ATL3: variants seen among roughly 807,000 people sequenced by gnomAD.
ATL3 encodes the protein atlastin-3.
Under a neutral mutation model 69.5 loss-of-function variants are expected in ATL3, and 49 were observed. That is an observed-to-expected ratio of 0.71 (90% CI 0.56 to 0.89). The LOEUF is 0.89. Ranked by LOEUF, ATL3 falls within the 40% of genes least tolerant of loss-of-function variation. ATL3 has a pLI of 0.00. For missense variants in ATL3, 606 were observed against 645.7 expected, an observed-to-expected ratio of 0.94 and a Z score of 0.67; for synonymous variants, 214 against 224.1, an observed-to-expected ratio of 0.95 and a Z score of 0.40.
intron 4 of ATL3, 26 bp downstream of exon 4, chr11:63,652,445 T>C: frequency 7.0e-7 from 1 of 1,422,762 alleles, no homozygotes. Flanking sequence ...CTTTGCGAGC[T>C]TTTTTCTGAG....
chr11:63,631,579 T>C (rs1309397411), intron 11 of ATL3, 108 bp from the exon 12 acceptor site: 4 of 1,003,014 alleles, frequency 4.0e-6, no homozygotes, highest in Admixed American at 2.9e-5. Flanking sequence ...ATGTTAACAA[T>C]GTATTAATAA....
rs553388206 is a variant in ATL3, at chr11:63,624,511, A to C, written c.*4808T>G. ...GTTTCTGATATGGGGTACTTAGGTC[A>C]CTAATGACAGGAATTAGGATCTTGT... is the stretch of plus-strand genomic sequence containing the variant. On this transcript the variant is annotated 3_prime_UTR_variant, in exon 13 of 13. Coordinates refer to ENST00000398868, the MANE Select transcript of ATL3 (RefSeq NM_015459.5). 5 of 152,330 alleles carry C rather than the reference A, an allele frequency of 3.3e-5. No homozygotes were observed. The highest frequency in any genetic ancestry group is 9.6e-5 in the African/African-American group (4 of 41,582). The allele number at this position is 152,330 out of a possible 1,614,324, so 9.4% of individuals were successfully genotyped here. A position where few individuals can be genotyped will look rare whatever the true frequency, so the allele number is the denominator to read the frequency against.
At chr11:63,649,810 A>G (rs997870717) in intron 5 of ATL3, among the ~76,000 whole-genome samples, 1 of 152,062 alleles carries the variant, frequency 6.6e-6, no homozygotes, top group Admixed American at 6.6e-5. Flanking sequence ...AGAGGAATAT[A>G]ATTTCTAATT....
intron 8 of ATL3, among the ~76,000 whole-genome samples, chr11:63,639,533 C>T (rs1939622635): frequency 6.6e-6 from 1 of 152,106 alleles, no homozygotes; most frequent in Non-Finnish European, 1.5e-5. Flanking sequence ...GTGGGAGGAT[C>T]ACTTGAGGTC....
intron 3 of ATL3, among the ~76,000 whole-genome samples, chr11:63,653,271 A>G (rs1940137883): frequency 6.6e-6 from 1 of 152,154 alleles, no homozygotes; most frequent in African/African-American, 2.4e-5. Flanking sequence ...GTTCGAGACC[A>G]GCCCGGCTAA....
rs1480729439 is a variant in ATL3 at position 63,626,665 on chromosome 11, C to T, written c.*2654G>A. 6.6e-6 allele frequency: 1 copy of T among 152,000 alleles called. No individual in the cohort carries two copies. The highest frequency in any genetic ancestry group is 1.5e-5 in the Non-Finnish European group (1 of 68,012). The allele number at this position is 152,000 out of a possible 1,614,324, so 9.4% of individuals were successfully genotyped here. ...TTAGGATTGTGTAAAATTAAAAATG[C>T]CTGCATGGAAAGCGGCAGAGCAACA... On this transcript the variant is annotated 3_prime_UTR_variant, in exon 13 of 13. Coordinates refer to ENST00000398868, the MANE Select transcript of ATL3 (RefSeq NM_015459.5).
intron 8 of ATL3, among the ~76,000 whole-genome samples, chr11:63,641,603 G>A (rs1048886357): frequency 6.6e-6 from 1 of 152,202 alleles, no homozygotes; most frequent in African/African-American, 2.4e-5. Flanking sequence ...GATGCTAGGA[G>A]AGAGTGTGGG....
At chr11:63,640,488 C>A (rs1283123556) in intron 8 of ATL3, among the ~76,000 whole-genome samples, 1 of 151,624 alleles carries the variant, frequency 6.6e-6, no homozygotes, top group Non-Finnish European at 1.5e-5. Flanking sequence ...GGGGGATCTC[C>A]CTATGTTGCC....
At chr11:63,665,282 G>T (rs1590746961) in intron 1 of ATL3, among the ~76,000 whole-genome samples, 1 of 151,224 alleles carries the variant, frequency 6.6e-6, no homozygotes, top group East Asian at 1.9e-4. Flanking sequence ...GGAGGCGGAG[G>T]TTGCGGTGAG....
At chr11:63,640,097 TTTG>T (rs1565272870) in intron 8 of ATL3, among the ~76,000 whole-genome samples, 1 of 151,950 alleles carries the variant, frequency 6.6e-6, no homozygotes, top group African/African-American at 2.4e-5. Flanking sequence ...CCCAGCTAAT[TTTG>T]TATTTTTAGT....
chr11:63,669,957 A>G (rs1276310119), intron 1 of ATL3, among the ~76,000 whole-genome samples: 4 of 151,664 alleles, frequency 2.6e-5, no homozygotes, highest in African/African-American at 9.7e-5. Flanking sequence ...TCAAAAAAAA[A>G]TAGCCGCGCA....
chr11:63,634,233 G>A (rs149613541), intron 10 of ATL3, among the ~76,000 whole-genome samples: 2,724 of 151,206 alleles, frequency 0.018, 33 homozygotes, highest in Middle Eastern at 0.031. Flanking sequence ...GGGGCTGGGC[G>A]CGGTGACTCA....
At chr11:63,631,614 A>T in intron 11 of ATL3, 143 bp from the exon 12 acceptor site, 3 of 765,658 alleles carry the variant, frequency 3.9e-6, no homozygotes, top group Non-Finnish European at 6.1e-6. Context: ...GATGACTAAG[A>T]CCAATAAAGT....
intron 8 of ATL3, among the ~76,000 whole-genome samples, chr11:63,642,615 G>C (rs980807490): frequency 6.6e-6 from 1 of 152,160 alleles, no homozygotes; most frequent in Non-Finnish European, 1.5e-5. Flanking sequence ...TGAGCACTTT[G>C]AGCAAGTTAC....
chr11:63,640,594 CTTTTTTT>C lies in ATL3; in HGVS notation c.850+2756_850+2762del, dbSNP rs1172516886. On this transcript the variant is annotated intron_variant, in intron 8 of 12. Transcript: ENST00000398868. The stretch of plus-strand genomic sequence containing the variant: ...TATGATAATAATGCTACCATAGTAT[CTTTTTTT>C]TTTTTTTTTTTTTTTTTTTTGAGAC... 3.2e-3 allele frequency among the ~76,000 whole-genome samples: 269 copies of C among 84,324 alleles called. 1 individual carries two copies. The highest frequency in any genetic ancestry group is 0.014 in the African/African-American group (254 of 18,356). 55.3% of individuals were successfully genotyped at this position (84,324 alleles called of 152,430 possible). A position where few individuals can be genotyped will look rare whatever the true frequency, so the allele number is the denominator to read the frequency against.
At chr11:63,648,280 C>T (rs529217103) in intron 5 of ATL3, among the ~76,000 whole-genome samples, 2 of 152,294 alleles carry the variant, frequency 1.3e-5, no homozygotes, top group East Asian at 3.9e-4. Context: ...AAGCTTCTAC[C>T]CACCAAGGCA....
chr11:63,656,993 C>T (rs573847639), intron 3 of ATL3, among the ~76,000 whole-genome samples: 12 of 151,698 alleles, frequency 7.9e-5, no homozygotes, highest in East Asian at 2.0e-4. Context: ...AGGCGGATCA[C>T]GAGGTCAGGA....
chr11:63,663,649 T>C (rs1172457335), intron 1 of ATL3, among the ~76,000 whole-genome samples: 1 of 152,208 alleles, frequency 6.6e-6, no homozygotes, highest in Non-Finnish European at 1.5e-5. Flanking sequence ...CAGTCTTTCA[T>C]ACAAAGAACT....
At chr11:63,667,910 T>G (rs1940628348) in intron 1 of ATL3, among the ~76,000 whole-genome samples, 1 of 151,918 alleles carries the variant, frequency 6.6e-6, no homozygotes. Context: ...CTCTACCCAC[T>G]AGATACCAGT....
Sources: gnomAD v4.1 joint callset for allele counts (sites outside exome capture counted in the v4.1 genomes callset) on GRCh38, gnomAD v4.1.1 for gene constraint, MANE v1.5 for transcripts, NCBI Gene and HGNC (gene_info 2026-07-23, HGNC 2026-07-21) for gene names.